Variants in TBC1D14 observed in about 807,000 individuals in gnomAD.
TBC1D14 encodes TBC1 domain family, member 14.
A neutral mutation model predicts 79.0 loss-of-function variants in TBC1D14; 26 were observed. The ratio of observed to expected loss-of-function variants is 0.33; its 90% CI spans 0.24 to 0.46. The LOEUF is 0.46. Among genes scored for constraint, TBC1D14 ranks in the 20% least tolerant of loss-of-function variants. TBC1D14 has a pLI of 1.00. For synonymous variants in TBC1D14, 394 were observed against 349.9 expected (o/e 1.13, Z -1.40); for missense variants, 769 against 887.6 (o/e 0.87, Z 1.70).
intron 9 of TBC1D14, among the ~76,000 whole-genome samples, chr4:7,009,157 G>A (rs1328120886): frequency 6.6e-6 from 1 of 152,218 alleles, no homozygotes; most frequent in Non-Finnish European, 1.5e-5. Flanking sequence ...TGTGTTAAAT[G>A]TAGGTACCTG....
At chr4:6,941,506 T>C (rs141181256) in intron 2 of TBC1D14, among the ~76,000 whole-genome samples, 6 of 152,286 alleles carry the variant, frequency 3.9e-5, no homozygotes, top group African/African-American at 1.2e-4. Flanking sequence ...TTTAAGTTCT[T>C]ACCACTTTAT....
rs1720679462 is a variant in TBC1D14, at chr4:7,010,780, T to G, written c.1646T>G (p.Leu549Arg). ...GCGTTTTTTAGAGTGGACCATGGCCTTGTGAGTATCCTCTGTGTTCGGGCC... is the reference window on the plus strand; with the variant it reads ...GCGTTTTTTAGAGTGGACCATGGCCGTGTGAGTATCCTCTGTGTTCGGGCC... ...QMAFFRVDHG[L>R]MLTYFAAFEV... The change falls in exon 11 of 14, where the codon CTT becomes CGT. Residue 549 changes from leucine to arginine, a missense_variant and splice_region_variant. This residue lies in a region of TBC1D14 where 367 missense variants were observed against 494.4 expected (regional missense o/e 0.74). Transcript: ENST00000409757. The G allele has an allele frequency of 6.2e-7, 1 of 1,613,516 alleles. No individual in the cohort carries two copies. The highest frequency in any genetic ancestry group is 8.5e-7 in the Non-Finnish European group (1 of 1,179,818).
At chr4:6,910,948 G>A (rs75895377) in intron 1 of TBC1D14, among the ~76,000 whole-genome samples, 49 of 152,244 alleles carry the variant, frequency 3.2e-4, no homozygotes, top group African/African-American at 1.1e-3. Flanking sequence ...GGTGTCTTGG[G>A]GACAAAATGC....
intron 3 of TBC1D14, among the ~76,000 whole-genome samples, chr4:6,992,384 C>CT (rs1208981198): frequency 6.6e-6 from 1 of 152,236 alleles, no homozygotes; most frequent in African/African-American, 2.4e-5. Flanking sequence ...CCCAGCCTTG[C>CT]TGGCTGTATG....
chr4:6,951,649 C>T (rs1714050374), intron 2 of TBC1D14, among the ~76,000 whole-genome samples: 2 of 150,274 alleles, frequency 1.3e-5, no homozygotes, highest in East Asian at 3.9e-4. Flanking sequence ...TTGAATAAGT[C>T]TGTTTCTTAT....
intron 2 of TBC1D14, among the ~76,000 whole-genome samples, chr4:6,930,085 A>G (rs926251526): frequency 3.9e-5 from 6 of 152,180 alleles, no homozygotes; most frequent in Non-Finnish European, 8.8e-5. Flanking sequence ...TCAGAGGTGC[A>G]ATGGTGATTT....
intron 3 of TBC1D14, among the ~76,000 whole-genome samples, chr4:6,980,346 G>A (rs1051369770): frequency 2.6e-5 from 4 of 152,162 alleles, no homozygotes; most frequent in African/African-American, 7.2e-5. Flanking sequence ...ATTTTGAAGC[G>A]AACGAGAACA....
intron 9 of TBC1D14, among the ~76,000 whole-genome samples, chr4:7,008,462 G>C (rs949320640): frequency 2.0e-5 from 3 of 152,216 alleles, no homozygotes; most frequent in African/African-American, 7.2e-5. Flanking sequence ...GCCCAGGCTG[G>C]AGTGGAATGG....
chr4:6,914,055 A>G (rs2108896848), intron 1 of TBC1D14, among the ~76,000 whole-genome samples: 1 of 151,404 alleles, frequency 6.6e-6, no homozygotes, highest in African/African-American at 2.4e-5. Flanking sequence ...TGGGAGGCTC[A>G]CTTGAGCCTG....
chr4:6,973,728 A>G (rs1716459463), intron 3 of TBC1D14, among the ~76,000 whole-genome samples: 1 of 152,082 alleles, frequency 6.6e-6, no homozygotes, highest in Admixed American at 6.5e-5. Flanking sequence ...ATGTGGACAG[A>G]GAGCACCAGG....
At chr4:6,912,386 AAAAAT>A (rs1355607583) in intron 1 of TBC1D14, among the ~76,000 whole-genome samples, 6 of 152,172 alleles carry the variant, frequency 3.9e-5, no homozygotes, top group African/African-American at 4.8e-5. Flanking sequence ...CTCAAAAAAT[AAAAAT>A]AAAATAAAAA....
In TBC1D14 at chr4:7,025,109, C is replaced by A; in HGVS notation, c.1863C>A (p.Gly621=). ...AGTTCCTGTTCCGCACGGCCCTGGG[C>A]ATCCTGAAGCTGTTCGAGGACATCC... ...GEEFLFRTAL[G]ILKLFEDILT... The change falls in exon 13 of 14, where the codon GGC becomes GGA. Residue 621 remains glycine, a synonymous_variant. Transcript: ENST00000409757. 1 of 1,614,218 alleles carries A rather than the reference C, an allele frequency of 6.2e-7. No homozygotes were observed. Among genetic ancestry groups the A allele is most frequent in the Non-Finnish European group, 8.5e-7 (1 of 1,180,038 alleles).
At chr4:6,919,703 C>G (rs1194470863) in intron 1 of TBC1D14, among the ~76,000 whole-genome samples, 5 of 152,192 alleles carry the variant, frequency 3.3e-5, no homozygotes, top group African/African-American at 1.2e-4. Context: ...TCACTGCAAC[C>G]TCCGCCTCCT....
At chr4:6,948,063 G>A (rs1236549969) in intron 2 of TBC1D14, among the ~76,000 whole-genome samples, 2 of 152,176 alleles carry the variant, frequency 1.3e-5, no homozygotes, top group African/African-American at 2.4e-5. Flanking sequence ...CGTGGGGAGG[G>A]GGCACATGAG....
chr4:6,952,899 G>A lies in TBC1D14; in HGVS notation c.723-14405G>A, dbSNP rs564132364. ...GTCTCACTCTGTCGCCCAGGCTGGA[G>A]TGCAGTGGTGTGATCTTGGCTCACT... On this transcript the variant is annotated intron_variant, in intron 2 of 13. Transcript: ENST00000409757. Among the ~76,000 whole-genome samples the A allele has an allele frequency of 1.5e-3, 230 of 152,138 alleles. No individual in the cohort carries two copies. The Middle Eastern group carries it at 0.024, about 16-fold the overall frequency.
intron 7 of TBC1D14, among the ~76,000 whole-genome samples, chr4:7,003,508 G>A (rs143536595): frequency 2.1e-4 from 32 of 152,206 alleles, no homozygotes; most frequent in Non-Finnish European, 2.1e-4. Flanking sequence ...CCATAATAGC[G>A]AAACTAGATT....
chr4:6,936,814 C>T (rs540155633), intron 2 of TBC1D14, among the ~76,000 whole-genome samples: 2 of 152,180 alleles, frequency 1.3e-5, no homozygotes, highest in East Asian at 1.9e-4. Flanking sequence ...AGTTCTTGTT[C>T]GATTGCTCTG....
chr4:6,998,404 T>C (rs926130911), intron 5 of TBC1D14, among the ~76,000 whole-genome samples: 4 of 150,642 alleles, frequency 2.7e-5, no homozygotes, highest in Non-Finnish European at 5.9e-5. Flanking sequence ...GAAGTCAGCA[T>C]GGAGCTTGCA....
rs561476161 is a variant in TBC1D14 at position 7,003,389 on chromosome 4, G to A, written c.1271-1455G>A. Among the ~76,000 whole-genome samples the A allele has an allele frequency of 3.3e-5, 5 of 152,332 alleles. No individual in the cohort carries two copies. In the East Asian group the frequency reaches 9.7e-4, roughly 29 times the overall value. On this transcript the variant is annotated intron_variant, in intron 7 of 13. Transcript: ENST00000409757. ...TGACCAAAGCTTGGCCGGCCTCCTG[G>A]AGGCCGAAAGCAGGTGGAAGTGCCA...
Sources: allele counts gnomAD v4.1 joint callset (sites outside exome capture counted in the v4.1 genomes callset), GRCh38; gene constraint gnomAD v4.1.1; regional missense constraint gnomAD v4.1.1; transcripts MANE v1.5; gene names NCBI Gene and HGNC (gene_info 2026-07-23, HGNC 2026-07-21).